The following DUS2 variants were observed in gnomAD, a reference collection of about 807,000 sequenced individuals.
DUS2 encodes tRNA-dihydrouridine(20) synthase [NAD(P)+]-like.
DUS2 carries 52 observed loss-of-function variants against 71.3 expected under a neutral mutation model. The ratio of observed to expected loss-of-function variants is 0.73; its 90% CI spans 0.58 to 0.92. The LOEUF is 0.92. Ranked by LOEUF, DUS2 falls within the 40% of genes least tolerant of loss-of-function variation. The pLI is 0.00. For synonymous variants in DUS2, 204 were observed against 227.8 expected (o/e 0.90, Z 0.94); for missense variants, 558 against 622.6 (o/e 0.90, Z 1.10).
intron 2 of DUS2, among the ~76,000 whole-genome samples, chr16:68,035,390 C>A (rs1435484349): frequency 6.8e-6 from 1 of 147,706 alleles, no homozygotes. Context: ...TCTGTGTTTT[C>A]CTTTTTTTTT....
chr16:68,062,625 A>G (rs1291523843), intron 8 of DUS2, among the ~76,000 whole-genome samples: 5 of 149,286 alleles, frequency 3.3e-5, no homozygotes, highest in Non-Finnish European at 7.4e-5. Context: ...AGGCTGAGGC[A>G]GGAGAATGGC....
chr16:68,060,437 C>G (rs908271134), intron 7 of DUS2, among the ~76,000 whole-genome samples: 2 of 152,024 alleles, frequency 1.3e-5, no homozygotes, highest in African/African-American at 4.8e-5. Context: ...CCTCAGCCTC[C>G]TGAATAGCTG....
intron 5 of DUS2, 161 bp downstream of exon 5, chr16:68,053,816 A>G: frequency 1.5e-6 from 1 of 662,638 alleles, no homozygotes; most frequent in Non-Finnish European, 2.6e-6. Context: ...GCCAGTCATG[A>G]GTAATTATAC....
intron 2 of DUS2, among the ~76,000 whole-genome samples, 199 bp downstream of exon 2, chr16:68,025,693 T>A (rs1389748437): frequency 6.6e-6 from 1 of 152,132 alleles, no homozygotes; most frequent in Non-Finnish European, 1.5e-5. Context: ...AGACACTGCC[T>A]ACCTTTTTTC....
At chr16:68,051,632 C>G (rs2033780361) in intron 4 of DUS2, among the ~76,000 whole-genome samples, 5 of 152,108 alleles carry the variant, frequency 3.3e-5, no homozygotes, top group Admixed American at 3.3e-4. Context: ...CTCAAGTGAT[C>G]CCCCTGCCTC....
At chr16:68,037,943 T>G in intron 2 of DUS2, 63 bp from the exon 3 acceptor site, 1 of 1,539,642 alleles carries the variant, frequency 6.5e-7, no homozygotes, top group Admixed American at 1.9e-5. Context: ...AAGCCTGCTC[T>G]TGATAACAGG....
chr16:68,046,117 A>G (rs1334786069), intron 3 of DUS2, among the ~76,000 whole-genome samples: 1 of 152,162 alleles, frequency 6.6e-6, no homozygotes, highest in African/African-American at 2.4e-5. Context: ...TGTGATGCTG[A>G]GGGTTTGGCT....
At chr16:68,055,733 G>A (rs995902384) in intron 6 of DUS2, among the ~76,000 whole-genome samples, 1 of 151,788 alleles carries the variant, frequency 6.6e-6, no homozygotes, top group African/African-American at 2.4e-5. Context: ...ATTACAAAGA[G>A]TGAGTGGGAA....
At position 68,061,068 on chromosome 16, in the gene DUS2, A is replaced by G; in HGVS notation, c.372A>G (p.Gly124=). ...MGCPKQYSTK[G]GMGAALLSDP... ...ACCTTTTGTGTGTTTCTCCTTAGGG[A>G]GGAATGGGAGCTGCCCTGCTGTCAG... The change falls in exon 8 of 17, where the codon GGA becomes GGG. Residue 124 remains glycine (G), a splice_region_variant and synonymous_variant. Transcript: ENST00000565263. The G allele has an allele frequency of 6.2e-7, 1 of 1,613,886 alleles. No homozygotes were observed. The highest frequency in any genetic ancestry group is 1.1e-5 in the South Asian group (1 of 91,076).
rs1301083799 is a variant in DUS2 at position 68,078,751 on chromosome 16, A to C, written c.1247A>C (p.Asp416Ala). Residue 416 changes from aspartate (D) to alanine (A), a missense_variant and splice_region_variant, in exon 17 of 17, where the codon GAC becomes GCC. Transcript: ENST00000565263. ...AEQKYQSTLW[D>A]KSKKLAEQAA... The stretch of plus-strand genomic sequence containing the variant: ...CTTATTGCCCTCTGTCTGCTCAGGG[A>C]CAAGTCCAAGAAACTGGCGGAGCAG... The C allele has an allele frequency of 3.7e-6, 6 of 1,605,842 alleles. No individual in the cohort carries two copies. The Admixed American group carries it at 5.0e-5, about 13-fold the overall frequency.
intron 8 of DUS2, among the ~76,000 whole-genome samples, chr16:68,065,663 GA>G (rs2033995235): frequency 6.6e-6 from 1 of 151,624 alleles, no homozygotes. Context: ...AAACAAAAAG[GA>G]AACAGGGTCT....
rs139217401 is a variant in DUS2 at position 68,069,568 on chromosome 16, A to T, written c.555-566A>T. On this transcript the variant is annotated intron_variant, in intron 10 of 16. Coordinates refer to ENST00000565263, the MANE Select transcript of DUS2 (RefSeq NM_017803.5). ...AGTTGACTTTGGAAGGAGGGGCCCCAGGTTGTGGTCCTGCCTCCCTTGTGC... is the reference window on the plus strand; with the variant it reads ...AGTTGACTTTGGAAGGAGGGGCCCCTGGTTGTGGTCCTGCCTCCCTTGTGC... Among the ~76,000 whole-genome samples the T allele has an allele frequency of 2.8e-3, 425 of 152,280 alleles. 1 individual carries two copies. Among genetic ancestry groups the T allele is most frequent in the African/African-American group, 9.7e-3 (403 of 41,566 alleles).
At position 68,078,935 on chromosome 16, in the gene DUS2, G is replaced by A; in HGVS notation, c.1431G>A (p.Lys477=). The A allele has an allele frequency of 6.3e-7, 1 of 1,599,958 alleles. No individual in the cohort carries two copies. The highest frequency in any genetic ancestry group is 8.5e-7 in the Non-Finnish European group (1 of 1,170,772). The change falls in exon 17 of 17, where the codon AAG becomes AAA. Residue 477 remains lysine (K), a synonymous_variant. Transcript: ENST00000565263. The part of the protein sequence containing the change: ...ELAQPGDLCK[K]PFVALGSGEE... ...CACAACCTGGGGATCTGTGCAAGAA[G>A]CCCTTTGTGGCCTTGGGAAGTGGTG...
intron 10 of DUS2, among the ~76,000 whole-genome samples, chr16:68,068,999 A>G (rs780114598): frequency 1.3e-5 from 2 of 152,100 alleles, no homozygotes; most frequent in African/African-American, 2.4e-5. Flanking sequence ...TGTGACCATC[A>G]AAGCTGGTGA....
In DUS2 at chr16:68,070,227, C is replaced by T; in HGVS notation, c.641+7C>T. On this transcript the variant is annotated splice_region_variant and intron_variant, in intron 11 of 16. Coordinates refer to ENST00000565263, the MANE Select transcript of DUS2 (RefSeq NM_017803.5). ...CCATTCCTGTCATAGCCAAGTAAGC[C>T]TCCTGTCTTCATCATGTACTCTGTG... is the stretch of plus-strand genomic sequence containing the variant. 6.2e-7 allele frequency: 1 copy of T among 1,613,100 alleles called. No homozygotes were observed. Among genetic ancestry groups the T allele is most frequent in the South Asian group, 1.1e-5 (1 of 91,072 alleles).
intron 2 of DUS2, among the ~76,000 whole-genome samples, chr16:68,029,576 A>G (rs1044653203): frequency 2.6e-5 from 4 of 151,844 alleles, no homozygotes; most frequent in Non-Finnish European, 5.9e-5. Context: ...CCCCCCAAGT[A>G]GGTGGGATAA....
At chr16:68,061,407 C>G (rs2033938833) in intron 8 of DUS2, among the ~76,000 whole-genome samples, 1 of 152,190 alleles carries the variant, frequency 6.6e-6, no homozygotes, top group Admixed American at 6.5e-5. Flanking sequence ...TATTTCCTGT[C>G]TCCCTTCTGG....
chr16:68,064,579 A>C (rs1451520417), intron 8 of DUS2, among the ~76,000 whole-genome samples: 1 of 152,244 alleles, frequency 6.6e-6, no homozygotes, highest in Non-Finnish European at 1.5e-5. Context: ...TGTTGCTCTG[A>C]GCATGAAGGA....
At chr16:68,055,052 G>A (rs1020786984) in intron 6 of DUS2, among the ~76,000 whole-genome samples, 7 of 146,870 alleles carry the variant, frequency 4.8e-5, no homozygotes, top group Non-Finnish European at 1.1e-4. Context: ...AAAAAAAAAA[G>A]AGTGTCTAGT....
Sources: gnomAD v4.1 joint callset for allele counts (sites outside exome capture counted in the v4.1 genomes callset) on GRCh38, gnomAD v4.1.1 for gene constraint, MANE v1.5 for transcripts, NCBI Gene and HGNC (gene_info 2026-07-23, HGNC 2026-07-21) for gene names.